Variants in NFIA observed in about 807,000 individuals in gnomAD.
NFIA encodes nuclear factor 1 A-type.
NFIA carries 8 observed loss-of-function variants against 62.8 expected under a neutral mutation model. That is an observed-to-expected ratio of 0.13 (90% CI 0.07 to 0.23). The LOEUF is 0.23. NFIA is among the 10% of genes least tolerant of loss of function. The probability of loss-of-function intolerance (pLI) is 1.00; values close to 1 mark genes in which losing one functional copy is unlikely to be tolerated. For synonymous variants in NFIA, 235 were observed against 238.1 expected (o/e 0.99, Z 0.12); for missense variants, 410 against 642.1 (o/e 0.64, Z 3.91).
intron 2 of NFIA, among the ~76,000 whole-genome samples, chr1:61,089,062 A>C (rs1646270849): frequency 6.6e-6 from 1 of 152,206 alleles, no homozygotes; most frequent in East Asian, 1.9e-4. Context: ...CAATATTTTT[A>C]GTTGGTTTTC....
chr1:61,307,132 C>T (rs529291440), intron 3 of NFIA, among the ~76,000 whole-genome samples: 18 of 152,222 alleles, frequency 1.2e-4, no homozygotes, highest in African/African-American at 4.3e-4. Context: ...TTGCATTCTA[C>T]AGCAAACCAC....
At chr1:61,225,553 CTTTTT>C (rs71244590) in intron 2 of NFIA, among the ~76,000 whole-genome samples, 20 of 122,586 alleles carry the variant, frequency 1.6e-4, no homozygotes, top group Admixed American at 8.4e-4. Context: ...CCAGCTCGTA[CTTTTT>C]TTTTTTTTTT....
intron 2 of NFIA, among the ~76,000 whole-genome samples, chr1:61,093,845 T>G (rs1646366096): frequency 6.6e-6 from 1 of 152,220 alleles, no homozygotes; most frequent in South Asian, 2.1e-4. Context: ...TTCCACCCTG[T>G]GATGAATAGC....
At chr1:61,404,462 G>A (rs915644783) in intron 8 of NFIA, among the ~76,000 whole-genome samples, 180 bp downstream of exon 8, 2 of 152,106 alleles carry the variant, frequency 1.3e-5, no homozygotes, top group Non-Finnish European at 2.9e-5. Context: ...GATTAGTCAG[G>A]GTTTAAAAAC....
At chr1:61,438,095 G>A (rs2100570326) in intron 10 of NFIA, among the ~76,000 whole-genome samples, 1 of 152,232 alleles carries the variant, frequency 6.6e-6, no homozygotes, top group Middle Eastern at 3.4e-3. Flanking sequence ...CTGTGGTCAT[G>A]AGGTACCTTC....
chr1:61,239,740 T>G (rs1296820552), intron 2 of NFIA, among the ~76,000 whole-genome samples: 2 of 152,164 alleles, frequency 1.3e-5, no homozygotes, highest in Non-Finnish European at 2.9e-5. Context: ...AATTGTCAAA[T>G]ATTTGAACAA....
intron 2 of NFIA, among the ~76,000 whole-genome samples, chr1:61,123,017 C>T (rs758312889): frequency 1.4e-4 from 22 of 152,184 alleles, no homozygotes; most frequent in Non-Finnish European, 5.9e-5. Context: ...GAGAGATTCC[C>T]TGTGGGACTT....
chr1:61,212,785 A>G (rs1431800091), intron 2 of NFIA, among the ~76,000 whole-genome samples: 6 of 152,174 alleles, frequency 3.9e-5, no homozygotes, highest in Non-Finnish European at 7.3e-5. Context: ...TGCAGCCCAG[A>G]CTGAGGTTGA....
At chr1:61,144,924 G>GGC (rs76311511) in intron 2 of NFIA, among the ~76,000 whole-genome samples, 2 of 152,040 alleles carry the variant, frequency 1.3e-5, no homozygotes, top group African/African-American at 4.8e-5. Context: ...AGGCGCACCT[G>GGC]ACACAGAGTC....
At position 61,246,802 on chromosome 1, in the gene NFIA, G is replaced by A. The variant is rs75653806; in HGVS notation, c.560-30718G>A. Among the ~76,000 whole-genome samples, 673 of 152,304 alleles carry A rather than the reference G, an allele frequency of 4.4e-3. 1 individual carries two copies. Among genetic ancestry groups the A allele is most frequent in the Middle Eastern group, 0.017 (5 of 292 alleles). On this transcript the variant is annotated intron_variant, in intron 2 of 10. Coordinates refer to ENST00000403491, the MANE Select transcript of NFIA (RefSeq NM_001134673.4). ...AGACATCACCTGCTGGGCTCCTGATGTGAAATTGGCTCACTGGTTCGTCTG... is the reference window on the plus strand; with the variant it reads ...AGACATCACCTGCTGGGCTCCTGATATGAAATTGGCTCACTGGTTCGTCTG...
intron 4 of NFIA, among the ~76,000 whole-genome samples, chr1:61,350,929 C>T (rs181439343): frequency 4.6e-5 from 7 of 152,294 alleles, no homozygotes; most frequent in Admixed American, 6.5e-5. Context: ...TTTGCAGCCA[C>T]TTCAATTTAG....
chr1:61,361,653 T>C (rs142978855), intron 6 of NFIA, among the ~76,000 whole-genome samples: 40 of 152,292 alleles, frequency 2.6e-4, no homozygotes, highest in Non-Finnish European at 5.0e-4. Flanking sequence ...GACTCTTTTA[T>C]TCAGGGCAAT....
At chr1:61,217,443 A>G (rs1286558611) in intron 2 of NFIA, among the ~76,000 whole-genome samples, 2 of 152,128 alleles carry the variant, frequency 1.3e-5, no homozygotes, top group African/African-American at 4.8e-5. Flanking sequence ...AGAGAACTAT[A>G]TGTCATTATT....
chr1:61,120,457 G>A (rs1646869832), intron 2 of NFIA, among the ~76,000 whole-genome samples: 1 of 152,136 alleles, frequency 6.6e-6, no homozygotes, highest in Admixed American at 6.5e-5. Flanking sequence ...TTACTACACA[G>A]GGTTGAGCAT....
chr1:61,388,540 C>A (rs1206118620), intron 7 of NFIA, among the ~76,000 whole-genome samples: 5 of 152,114 alleles, frequency 3.3e-5, no homozygotes, highest in African/African-American at 1.2e-4. Context: ...TGCTTAAAAT[C>A]TTTGCTGTTT....
intron 10 of NFIA, among the ~76,000 whole-genome samples, chr1:61,432,042 A>G (rs1178997595): frequency 1.3e-5 from 2 of 152,188 alleles, no homozygotes; most frequent in African/African-American, 4.8e-5. Flanking sequence ...GACAACACCA[A>G]CATCAAAACA....
chr1:61,151,073 C>T (rs550729408), intron 2 of NFIA, among the ~76,000 whole-genome samples: 35 of 152,294 alleles, frequency 2.3e-4, no homozygotes, highest in African/African-American at 5.3e-4. Context: ...TTTAGGCTAA[C>T]GAAGTGTCTT....
intron 2 of NFIA, among the ~76,000 whole-genome samples, chr1:61,225,498 C>G (rs1654276678): frequency 6.6e-6 from 1 of 151,410 alleles, no homozygotes; most frequent in Non-Finnish European, 1.5e-5. Context: ...ATCCGCCTGC[C>G]TCGGCCTCCC....
chr1:61,443,412 C>G (rs1667672049), intron 10 of NFIA, among the ~76,000 whole-genome samples: 1 of 152,204 alleles, frequency 6.6e-6, no homozygotes, highest in Middle Eastern at 3.2e-3. Context: ...TCACCACACA[C>G]TCCTAGTCCA....
Sources: allele counts gnomAD v4.1 joint callset (sites outside exome capture counted in the v4.1 genomes callset), GRCh38; gene constraint gnomAD v4.1.1; transcripts MANE v1.5; gene names NCBI Gene and HGNC (gene_info 2026-07-23, HGNC 2026-07-21).